ZFHX3: variants seen among roughly 807,000 people sequenced by gnomAD.
ZFHX3 encodes the protein zinc finger homeobox protein 3.
A neutral mutation model predicts 279.1 loss-of-function variants in ZFHX3; 42 were observed. That is an observed-to-expected ratio of 0.15 (90% CI 0.12 to 0.19). ZFHX3 has a LOEUF of 0.19. ZFHX3 is among the 10% of genes least tolerant of loss of function. The pLI is 1.00. For missense variants in ZFHX3, 4,981 were observed against 4,754.0 expected, an observed-to-expected ratio of 1.05 and a Z score of -1.40; for synonymous variants, 2,293 against 1,957.8, an observed-to-expected ratio of 1.17 and a Z score of -4.52.
At chr16:72,901,247 A>C (rs571387447) in intron 3 of ZFHX3, among the ~76,000 whole-genome samples, 32 of 152,306 alleles carry the variant, frequency 2.1e-4, no homozygotes, top group Admixed American at 3.3e-4. Flanking sequence ...GTCTTGCTGG[A>C]ACCGAGCCTA....
intron 2 of ZFHX3, among the ~76,000 whole-genome samples, chr16:73,538,796 C>T (rs543932451): frequency 3.9e-5 from 6 of 152,302 alleles, no homozygotes; most frequent in African/African-American, 1.2e-4. Context: ...CCTTAGTCAT[C>T]GGGCAAACGA....
chr16:73,373,406 G>C (rs529971608), intron 3 of ZFHX3, among the ~76,000 whole-genome samples: 193 of 152,254 alleles, frequency 1.3e-3, no homozygotes, highest in Non-Finnish European at 2.4e-3. Flanking sequence ...CTCAGGAGAT[G>C]GACCTTTGTG....
intron 1 of ZFHX3, among the ~76,000 whole-genome samples, chr16:73,851,752 G>A (rs945082579): frequency 2.0e-5 from 3 of 152,172 alleles, no homozygotes; most frequent in African/African-American, 4.8e-5. Flanking sequence ...TATATCTTGT[G>A]TTTAAGTTTG....
intron 5 of ZFHX3, among the ~76,000 whole-genome samples, chr16:72,816,029 A>G (rs1463661649): frequency 6.6e-6 from 1 of 152,266 alleles, no homozygotes; most frequent in Non-Finnish European, 1.5e-5. Flanking sequence ...AAATCAGAAA[A>G]GAAGATAAAA....
intron 4 of ZFHX3, among the ~76,000 whole-genome samples, chr16:73,304,942 TG>T (rs1323630560): frequency 6.6e-6 from 1 of 152,208 alleles, no homozygotes; most frequent in Non-Finnish European, 1.5e-5. Context: ...GCTGCTGTCC[TG>T]CTATGAATTT....
At chr16:73,488,514 G>A (rs1470244366) in intron 2 of ZFHX3, among the ~76,000 whole-genome samples, 6 of 152,252 alleles carry the variant, frequency 3.9e-5, no homozygotes, top group South Asian at 2.1e-4. Context: ...GTATTGACAC[G>A]GATGGAAACA....
At chr16:73,696,848 T>C (rs1466536541) in intron 1 of ZFHX3, among the ~76,000 whole-genome samples, 1 of 152,158 alleles carries the variant, frequency 6.6e-6, no homozygotes, top group Non-Finnish European at 1.5e-5. Context: ...AAGAGGCTAT[T>C]TAAACATAGG....
At chr16:73,207,132 T>C (rs1344512307) in intron 5 of ZFHX3, among the ~76,000 whole-genome samples, 7 of 152,202 alleles carry the variant, frequency 4.6e-5, no homozygotes, top group Admixed American at 4.6e-4. Flanking sequence ...ACTCAGTCCC[T>C]GTACTCCAAG....
chr16:73,496,466 G>T (rs1002578800), intron 2 of ZFHX3, among the ~76,000 whole-genome samples: 2 of 152,206 alleles, frequency 1.3e-5, no homozygotes, highest in Admixed American at 6.5e-5. Context: ...GGGAGGCAGA[G>T]GTTGCAGTGA....
intron 2 of ZFHX3, among the ~76,000 whole-genome samples, chr16:73,507,771 G>A (rs2019354052): frequency 6.6e-6 from 1 of 152,098 alleles, no homozygotes. Flanking sequence ...AAAGTGCTGG[G>A]ATTACAGGCA....
At chr16:72,853,324 CTATAA>C in intron 4 of ZFHX3, among the ~76,000 whole-genome samples, 1 of 152,360 alleles carries the variant, frequency 6.6e-6, no homozygotes, top group Admixed American at 6.5e-5. Context: ...CAGAATTGAG[CTATAA>C]ATCTGTGAAG....
intron 4 of ZFHX3, among the ~76,000 whole-genome samples, chr16:72,858,288 T>A (rs1431065818): frequency 6.6e-6 from 1 of 152,212 alleles, no homozygotes; most frequent in Admixed American, 6.5e-5. Flanking sequence ...AAGGTTAATA[T>A]AAGAGCAACT....
chr16:72,816,399 C>A (rs924130168), intron 5 of ZFHX3, among the ~76,000 whole-genome samples: 1 of 152,140 alleles, frequency 6.6e-6, no homozygotes, highest in Non-Finnish European at 1.5e-5. Flanking sequence ...AGGAATCATG[C>A]GACTGAATGC....
chr16:73,444,756 C>T (rs945710431), intron 3 of ZFHX3, among the ~76,000 whole-genome samples: 25 of 152,262 alleles, frequency 1.6e-4, no homozygotes, highest in African/African-American at 6.0e-4. Context: ...AAGTGCAGCA[C>T]CTGTGCAGCA....
At chr16:72,855,692 A>G (rs987207679) in intron 4 of ZFHX3, among the ~76,000 whole-genome samples, 10 of 152,236 alleles carry the variant, frequency 6.6e-5, no homozygotes, top group African/African-American at 1.9e-4. Flanking sequence ...ACCCTGCACC[A>G]GGAATATGGA....
At chr16:73,851,689 A>G (rs908031464) in intron 1 of ZFHX3, among the ~76,000 whole-genome samples, 1 of 152,206 alleles carries the variant, frequency 6.6e-6, no homozygotes, top group African/African-American at 2.4e-5. Flanking sequence ...AACCTACTGA[A>G]ATCTTCTAAT....
At position 73,185,286 on chromosome 16, in the gene ZFHX3, T is replaced by C. The variant is rs147558109; in HGVS notation, c.-1103-41455A>G. On this transcript the variant is annotated intron_variant, in intron 5 of 17. Transcript: ENST00000641206. ...GTGGGTTGTCTTATTATATGCAGTC[T>C]CTTTTAAAATCCCCATGTAACCGTA... Among the ~76,000 whole-genome samples, 68 of 152,354 alleles carry C rather than the reference T, an allele frequency of 4.5e-4. No homozygotes were observed. The East Asian group carries it at 0.013, about 28-fold the overall frequency.
chr16:73,859,878 A>G (rs1292056517), intron 1 of ZFHX3, among the ~76,000 whole-genome samples: 1 of 152,252 alleles, frequency 6.6e-6, no homozygotes, highest in Non-Finnish European at 1.5e-5. Context: ...AAATGAAGAT[A>G]ACATCCGACG....
Position 73,695,285 on chromosome 16 carries a change from G to T in ZFHX3, c.-1607-15045C>A, listed in dbSNP as rs1453469348. 2.1e-5 allele frequency among the ~76,000 whole-genome samples: 3 copies of T among 145,732 alleles called. No individual in the cohort carries two copies. In the East Asian group the frequency reaches 6.1e-4, roughly 30 times the overall value. Reference sequence around the variant, plus strand: ...GGGGTCTTCCTCTGTAGCCAGGCTGGAGTGCAGTGGCGCGATCTCAGCTCA... The same window carrying T: ...GGGGTCTTCCTCTGTAGCCAGGCTGTAGTGCAGTGGCGCGATCTCAGCTCA... On this transcript the variant is annotated intron_variant, in intron 1 of 17. Transcript: ENST00000641206.
Sources: allele counts gnomAD v4.1 joint callset (sites outside exome capture counted in the v4.1 genomes callset), GRCh38; gene constraint gnomAD v4.1.1; transcripts MANE v1.5; gene names NCBI Gene and HGNC (gene_info 2026-07-23, HGNC 2026-07-21).